The following DRC11 variants were observed in gnomAD, a reference collection of about 807,000 sequenced individuals.
The protein encoded by DRC11 is IQ and AAA domain-containing protein 1.
At chr2:236,411,810 A>G in the DRC11 span, among the ~76,000 whole-genome samples, 1 of 146,216 alleles carries the variant, frequency 6.8e-6, no homozygotes. Flanking sequence ...AAAACCAAAC[A>G]CCGCATATTC....
chr2:236,407,035 G>A, the DRC11 span, among the ~76,000 whole-genome samples: 23 of 152,246 alleles, frequency 1.5e-4, no homozygotes, highest in African/African-American at 4.1e-4. Flanking sequence ...ATGAGCCACC[G>A]CGCCCAGCCA....
chr2:236,503,940 T>C, the DRC11 span, among the ~76,000 whole-genome samples: 1 of 152,118 alleles, frequency 6.6e-6, no homozygotes, highest in African/African-American at 2.4e-5. The surrounding 1 kb of genome is among the most constrained non-coding windows in gnomAD (Gnocchi z 4.9). Context: ...TGATTTTTCA[T>C]AAGAGCATTG....
the DRC11 span, among the ~76,000 whole-genome samples, chr2:236,448,783 T>C: frequency 6.6e-6 from 1 of 151,990 alleles, no homozygotes; most frequent in African/African-American, 2.4e-5. This position sits in a 1 kb window ranked among gnomAD's most constrained non-coding sequence, Gnocchi z 5.3. Flanking sequence ...CGCAGACTGT[T>C]GTAAGTGGGG....
chr2:236,338,076 C>T, the DRC11 span: 1 of 816,608 alleles, frequency 1.2e-6, no homozygotes, highest in Admixed American at 2.9e-5. Flanking sequence ...GGTGCACACA[C>T]CCCACCGGGT....
the DRC11 span, among the ~76,000 whole-genome samples, chr2:236,414,993 G>GA: frequency 6.6e-6 from 1 of 152,102 alleles, no homozygotes; most frequent in Non-Finnish European, 1.5e-5. Flanking sequence ...CAGTTCTCAT[G>GA]ACTTTTTTTG....
the DRC11 span, among the ~76,000 whole-genome samples, chr2:236,386,235 T>C: frequency 3.3e-5 from 5 of 151,266 alleles, no homozygotes; most frequent in African/African-American, 1.2e-4. Flanking sequence ...TCAGAAGGAA[T>C]GGTACCAGCT....
At chr2:236,366,054 G>A in the DRC11 span, among the ~76,000 whole-genome samples, 2 of 152,160 alleles carry the variant, frequency 1.3e-5, no homozygotes, top group Admixed American at 6.5e-5. Context: ...GCTGGACCAC[G>A]TCCACCTGGA....
At chr2:236,344,484 T>C in the DRC11 span, 1 of 1,000,590 alleles carries the variant, frequency 1.0e-6, no homozygotes, top group Non-Finnish European at 1.5e-6. Context: ...TCTCAAAAAG[T>C]AGAGGTAGGC....
At chr2:236,316,453 G>A in the DRC11 span, among the ~76,000 whole-genome samples, 27 of 151,974 alleles carry the variant, frequency 1.8e-4, no homozygotes, top group African/African-American at 6.3e-4. The surrounding 1 kb of genome is among the most constrained non-coding windows in gnomAD (Gnocchi z 6.8). Flanking sequence ...ATGAGCCACC[G>A]CAAGAACTTT....
At chr2:236,505,935 T>C in the DRC11 span, among the ~76,000 whole-genome samples, 1 of 152,140 alleles carries the variant, frequency 6.6e-6, no homozygotes, top group Non-Finnish European at 1.5e-5. Flanking sequence ...CAAAACTCCT[T>C]TAAAGAGTTA....
chr2:236,436,374 T>C, the DRC11 span, among the ~76,000 whole-genome samples: 5 of 152,212 alleles, frequency 3.3e-5, no homozygotes, highest in Non-Finnish European at 7.4e-5. Context: ...GTTAAGTATA[T>C]GAGCAGATTC....
the DRC11 span, among the ~76,000 whole-genome samples, chr2:236,356,865 A>G: frequency 6.8e-6 from 1 of 147,268 alleles, no homozygotes; most frequent in Non-Finnish European, 1.5e-5. Context: ...TCATTTGTCA[A>G]ATATTTATCA....
chr2:236,342,978 G>A, the DRC11 span, among the ~76,000 whole-genome samples: 1 of 152,162 alleles, frequency 6.6e-6, no homozygotes, highest in Non-Finnish European at 1.5e-5. The surrounding 1 kb of genome is among the most constrained non-coding windows in gnomAD (Gnocchi z 5.8). Flanking sequence ...GCCTCCAGTG[G>A]CCTTCATTTC....
chr2:236,377,063 G>T, the DRC11 span: 1 of 1,279,826 alleles, frequency 7.8e-7, no homozygotes, highest in South Asian at 1.2e-5. The surrounding 1 kb of genome is among the most constrained non-coding windows in gnomAD (Gnocchi z 4.9). Flanking sequence ...CACAAGAGGT[G>T]ACACGTGACA....
the DRC11 span, among the ~76,000 whole-genome samples, chr2:236,429,298 G>A: frequency 6.6e-6 from 1 of 152,202 alleles, no homozygotes. This position sits in a 1 kb window ranked among gnomAD's most constrained non-coding sequence, Gnocchi z 5.9. Context: ...ATGTGGCACT[G>A]GGGGCCAGCA....
At chr2:236,319,347 G>A in the DRC11 span, among the ~76,000 whole-genome samples, 20 of 152,230 alleles carry the variant, frequency 1.3e-4, no homozygotes, top group African/African-American at 3.4e-4. This position sits in a 1 kb window ranked among gnomAD's most constrained non-coding sequence, Gnocchi z 6.7. Context: ...CAGGGAGAAC[G>A]CTGTGTGCTG....
chr2:236,331,546 A>G, the DRC11 span: 1 of 1,613,998 alleles, frequency 6.2e-7, no homozygotes, highest in Non-Finnish European at 8.5e-7. The surrounding 1 kb of genome is among the most constrained non-coding windows in gnomAD (Gnocchi z 4.8). Flanking sequence ...GCTGACATTC[A>G]AGGCACTGGT....
chr2:236,506,918 T>C, the DRC11 span, among the ~76,000 whole-genome samples: 1 of 152,102 alleles, frequency 6.6e-6, no homozygotes, highest in Non-Finnish European at 1.5e-5. This position sits in a 1 kb window ranked among gnomAD's most constrained non-coding sequence, Gnocchi z 4.9. Context: ...CCGTGAAAGA[T>C]TAACAAAAAA....
the DRC11 span, among the ~76,000 whole-genome samples, chr2:236,428,259 A>T: frequency 6.6e-6 from 1 of 152,138 alleles, no homozygotes; most frequent in Admixed American, 6.5e-5. Context: ...ATTTGGTCTA[A>T]AGTGTAGTTC....
Sources: gnomAD v4.1 joint callset for allele counts (sites outside exome capture counted in the v4.1 genomes callset) on GRCh38, gnomAD v4.1.1 for gene constraint, Gnocchi (gnomAD v3.1) non-coding constraint, MANE v1.5 for transcripts, NCBI Gene and HGNC (gene_info 2026-07-23, HGNC 2026-07-21) for gene names.